The following RAP1GAP2 variants were observed in gnomAD, a reference collection of about 807,000 sequenced individuals.
RAP1GAP2 encodes the protein rap1 GTPase-activating protein 2.
In RAP1GAP2, 27 loss-of-function variants were observed where a neutral mutation model predicts 95.0. The ratio of observed to expected loss-of-function variants is 0.28; its 90% CI spans 0.21 to 0.39. The LOEUF is 0.39. Among genes scored for constraint, RAP1GAP2 ranks in the 10% least tolerant of loss-of-function variants. The pLI is 1.00. For synonymous variants in RAP1GAP2, 373 were observed against 380.9 expected, an observed-to-expected ratio of 0.98 and a Z score of 0.24; for missense variants, 771 against 970.0, an observed-to-expected ratio of 0.79 and a Z score of 2.72.
chr17:3,017,967 G>C, intron 17 of RAP1GAP2, 94 bp from the exon 18 acceptor site: 1 of 1,298,460 alleles, frequency 7.7e-7, no homozygotes, highest in Non-Finnish European at 1.1e-6. Context: ...ACGCATACGT[G>C]TGCTGAGGGC....
intron 9 of RAP1GAP2, among the ~76,000 whole-genome samples, chr17:2,980,580 C>T (rs891105677): frequency 2.0e-5 from 3 of 152,124 alleles, no homozygotes; most frequent in Non-Finnish European, 2.9e-5. Context: ...TCCTTGTTGC[C>T]GAGGCTGCTT....
At chr17:3,024,411 A>G (rs529707665) in intron 19 of RAP1GAP2, among the ~76,000 whole-genome samples, 3 of 152,372 alleles carry the variant, frequency 2.0e-5, no homozygotes, top group Admixed American at 6.5e-5. Context: ...CAGAGAGGAT[A>G]TGGAGAAATG....
intron 2 of RAP1GAP2, among the ~76,000 whole-genome samples, chr17:2,873,719 C>T (rs562334484): frequency 1.1e-3 from 172 of 152,028 alleles, no homozygotes; most frequent in African/African-American, 3.9e-3. Context: ...TACATAACAT[C>T]GTGAATGTAC....
At chr17:2,807,530 C>T (rs550103238) in intron 2 of RAP1GAP2, among the ~76,000 whole-genome samples, 14 of 152,226 alleles carry the variant, frequency 9.2e-5, no homozygotes, top group South Asian at 4.2e-4. Flanking sequence ...ACAAGGGCTG[C>T]GATGCCCACA....
Position 2,826,394 on chromosome 17 carries a change from G to C in RAP1GAP2, c.80+25844G>C, listed in dbSNP as rs144521328. On this transcript the variant is annotated intron_variant, in intron 2 of 24. Transcript: ENST00000254695. ...TTGAGAAGCGGTGAGCCAGGCTCTC[G>C]AAATGGATGGAGGGACATGGCAGGA... Among the ~76,000 whole-genome samples the C allele has an allele frequency of 3.5e-3, 528 of 152,048 alleles. 1 individual carries two copies. The highest frequency in any genetic ancestry group is 5.3e-3 in the Non-Finnish European group (359 of 67,984).
intron 2 of RAP1GAP2, among the ~76,000 whole-genome samples, chr17:2,896,650 G>GGCC (rs2041835638): frequency 6.6e-6 from 1 of 152,156 alleles, no homozygotes; most frequent in Non-Finnish European, 1.5e-5. Context: ...TGCACGAGGG[G>GGCC]GCCCCAGGTG....
At chr17:2,766,089 G>A (rs2068270788) in intron 1 of RAP1GAP2, among the ~76,000 whole-genome samples, 1 of 152,190 alleles carries the variant, frequency 6.6e-6, no homozygotes, top group Non-Finnish European at 1.5e-5. Context: ...AGAGGCCGGC[G>A]AGGACAGATG....
intron 18 of RAP1GAP2, among the ~76,000 whole-genome samples, chr17:3,019,822 G>C (rs545373861): frequency 5.4e-4 from 82 of 152,262 alleles, no homozygotes; most frequent in African/African-American, 1.9e-3. Flanking sequence ...TGAGTTGGAG[G>C]CTTGGTGGCC....
chr17:2,759,750 C>T (rs1312396557), intron 1 of RAP1GAP2, among the ~76,000 whole-genome samples: 1 of 152,056 alleles, frequency 6.6e-6, no homozygotes, highest in East Asian at 1.9e-4. Context: ...CGCGCCCGGC[C>T]AATTCTTTGT....
In RAP1GAP2 at chr17:2,957,740, C is replaced by G. The variant is rs1193947608; in HGVS notation, c.166-19C>G. On this transcript the variant is annotated intron_variant, in intron 3 of 24. Transcript: ENST00000254695. ...CCGGCTGATCCCTGTCTTTCTGTCC[C>G]CCTGCTTTTGTCTTTCAGTCGTCGG... 2 of 1,604,734 alleles carry G rather than the reference C, an allele frequency of 1.2e-6. No homozygotes were observed. Among genetic ancestry groups the G allele is most frequent in the East Asian group, 2.3e-5 (1 of 43,932 alleles).
chr17:2,877,824 G>A (rs2151658679), intron 2 of RAP1GAP2, among the ~76,000 whole-genome samples: 2 of 152,266 alleles, frequency 1.3e-5, no homozygotes, highest in East Asian at 3.9e-4. Context: ...GCCATTTCAA[G>A]GCCTTAGATA....
At chr17:2,792,274 G>A (rs140808438), upstream of RAP1GAP2, among the ~76,000 whole-genome samples, 8 of 152,330 alleles carry the variant, frequency 5.3e-5, no homozygotes, top group African/African-American at 1.2e-4. Context: ...GAAGCTGCGC[G>A]GGACTGAAGC....
At chr17:2,795,052 A>G (rs532593263), upstream of RAP1GAP2, among the ~76,000 whole-genome samples, 1 of 151,390 alleles carries the variant, frequency 6.6e-6, no homozygotes, top group South Asian at 2.1e-4. Flanking sequence ...TCATTTTTGT[A>G]TTTTTAGTAG....
chr17:2,760,120 C>G (rs905897628), intron 1 of RAP1GAP2, among the ~76,000 whole-genome samples: 1 of 151,236 alleles, frequency 6.6e-6, no homozygotes, highest in Non-Finnish European at 1.5e-5. Flanking sequence ...GGTGAAACCC[C>G]GTCTCTACCA....
chr17:3,017,517 A>G (rs1003950720), intron 17 of RAP1GAP2, among the ~76,000 whole-genome samples: 1 of 152,208 alleles, frequency 6.6e-6, no homozygotes, highest in Admixed American at 6.5e-5. Context: ...CAAGTTGCCC[A>G]GAGCACACTT....
At chr17:3,006,203 A>G (rs1040165811) in intron 16 of RAP1GAP2, among the ~76,000 whole-genome samples, 162 bp downstream of exon 16, 3 of 138,704 alleles carry the variant, frequency 2.2e-5, no homozygotes, top group African/African-American at 8.3e-5. Context: ...CTTGGGACTC[A>G]CCACAACCTC....
At chr17:2,995,492 G>A (rs760472047) in intron 13 of RAP1GAP2, 26 bp downstream of exon 13, 118 of 1,612,632 alleles carry the variant, frequency 7.3e-5, no homozygotes, top group Non-Finnish European at 9.6e-5. Flanking sequence ...AGGGCTTTGG[G>A]AGCCCAGGGC....
At chr17:2,834,011 C>T (rs762140393) in intron 2 of RAP1GAP2, among the ~76,000 whole-genome samples, 16 of 152,122 alleles carry the variant, frequency 1.1e-4, no homozygotes, top group Non-Finnish European at 1.9e-4. Context: ...CACTGTCCTC[C>T]GTAAGTCAGG....
chr17:2,983,744 T>C (rs2045458534), intron 10 of RAP1GAP2, among the ~76,000 whole-genome samples: 1 of 152,264 alleles, frequency 6.6e-6, no homozygotes, highest in East Asian at 1.9e-4. Context: ...TTTTCTTGTC[T>C]TTTTATTTTT....
Sources: allele counts gnomAD v4.1 joint callset (sites outside exome capture counted in the v4.1 genomes callset), GRCh38; gene constraint gnomAD v4.1.1; transcripts MANE v1.5; gene names NCBI Gene and HGNC (gene_info 2026-07-23, HGNC 2026-07-21).